DYSF: variants seen among roughly 807,000 people sequenced by gnomAD.
DYSF encodes the protein dysferlin.
DYSF carries 212 observed loss-of-function variants against 274.9 expected under a neutral mutation model. The observed-to-expected ratio is 0.77, with a 90% CI of 0.69 to 0.86. The LOEUF is 0.86. Ranked by LOEUF, DYSF falls within the 40% of genes least tolerant of loss-of-function variation. DYSF has a pLI of 0.00. For synonymous variants in DYSF, 1,091 were observed against 1,078.7 expected (o/e 1.01, Z -0.22); for missense variants, 2,666 against 2,783.2 (o/e 0.96, Z 0.95).
chr2:71,682,804 C>T (rs2095312198), intron 55 of DYSF, 127 bp downstream of exon 55: 1 of 1,363,750 alleles, frequency 7.3e-7, no homozygotes, highest in African/African-American at 1.4e-5. Context: ...AGCCCCTGGT[C>T]TGATGAGGAT....
chr2:71,576,024 T>C (rs1447119755), intron 30 of DYSF, among the ~76,000 whole-genome samples: 2 of 152,224 alleles, frequency 1.3e-5, no homozygotes, highest in Admixed American at 1.3e-4. Flanking sequence ...CTGTTTTCCA[T>C]GCAGCTGGAG....
At chr2:71,501,269 C>T (rs1373632471) in intron 3 of DYSF, among the ~76,000 whole-genome samples, 1 of 152,108 alleles carries the variant, frequency 6.6e-6, no homozygotes, top group East Asian at 1.9e-4. Flanking sequence ...GAAAATGGAC[C>T]TTGAGCGTAT....
chr2:71,531,367 T>C (rs1559092020), intron 14 of DYSF, among the ~76,000 whole-genome samples: 2 of 152,112 alleles, frequency 1.3e-5, no homozygotes, highest in Non-Finnish European at 2.9e-5. Context: ...TCAACACTCA[T>C]GGCACTTTAG....
intron 11 of DYSF, 72 bp from the exon 12 acceptor site, chr2:71,520,717 T>C (rs1247883825): frequency 7.4e-7 from 1 of 1,354,940 alleles, no homozygotes. Flanking sequence ...CAGTCCATCC[T>C]GGGTTCCCGG....
rs1573201777 is a variant in DYSF at position 71,682,425 on chromosome 2, T to A, written c.6174-105T>A. 8 of 1,427,600 alleles carry A rather than the reference T, an allele frequency of 5.6e-6. No homozygotes were observed. The Admixed American group carries it at 1.3e-4, about 24-fold the overall frequency. 88.4% of individuals were successfully genotyped at this position (1,427,600 alleles called of 1,614,324 possible). A position where few individuals can be genotyped will look rare whatever the true frequency, so the allele number is the denominator to read the frequency against. ...ACAGGGCCTGGGCAGGCGCTGGGGG[T>A]GGACTGTGGAGGGCCAGGCCATTGG... is the stretch of plus-strand genomic sequence containing the variant. On this transcript the variant is annotated intron_variant, in intron 54 of 55. Transcript: ENST00000410020.
At chr2:71,499,313 C>T (rs1388947788) in intron 3 of DYSF, among the ~76,000 whole-genome samples, 1 of 152,130 alleles carries the variant, frequency 6.6e-6, no homozygotes, top group South Asian at 2.1e-4. Flanking sequence ...GAATAATTCC[C>T]CATTATTGTT....
chr2:71,666,919 G>T lies in DYSF; in HGVS notation c.5318-457G>T, dbSNP rs115964965. ...CGTGGTTCCTGCTCTGGAAGTGTTT[G>T]CTGTTATTGCTATTATTTTAGCTAC... On this transcript the variant is annotated intron_variant, in intron 47 of 55. Transcript: ENST00000410020. Among the ~76,000 whole-genome samples, 438 of 152,330 alleles carry T rather than the reference G, an allele frequency of 2.9e-3. 1 individual carries two copies. The highest frequency in any genetic ancestry group is 0.027 in the Middle Eastern group (8 of 294).
At chr2:71,639,751 AT>A (rs2094458860) in intron 41 of DYSF, among the ~76,000 whole-genome samples, 1 of 152,152 alleles carries the variant, frequency 6.6e-6, no homozygotes, top group South Asian at 2.1e-4. Flanking sequence ...CTGGAATAAG[AT>A]TGCTGTGTCA....
intron 3 of DYSF, among the ~76,000 whole-genome samples, chr2:71,487,516 T>C (rs1284481319): frequency 1.3e-5 from 2 of 152,106 alleles, no homozygotes; most frequent in Non-Finnish European, 2.9e-5. Context: ...CATTTTGTTG[T>C]TGTTGTTGTT....
chr2:71,454,654 T>G (rs1184288931), intron 1 of DYSF, among the ~76,000 whole-genome samples: 1 of 152,152 alleles, frequency 6.6e-6, no homozygotes, highest in African/African-American at 2.4e-5. Context: ...CACCAACCTT[T>G]ACAGACTTTC....
chr2:71,538,411 T>TC (rs1252414125), intron 16 of DYSF, among the ~76,000 whole-genome samples: 6 of 152,156 alleles, frequency 3.9e-5, no homozygotes, highest in Non-Finnish European at 8.8e-5. Context: ...CCAAGAAGTG[T>TC]CCCCCTGGAA....
At chr2:71,586,619 C>G (rs1218327361) in intron 30 of DYSF, among the ~76,000 whole-genome samples, 1 of 152,112 alleles carries the variant, frequency 6.6e-6, no homozygotes, top group Non-Finnish European at 1.5e-5. Context: ...AGGCCCTGCC[C>G]TTGGACAGAG....
At chr2:71,516,899 A>T in intron 9 of DYSF, 90 bp from the exon 10 acceptor site, 1 of 1,151,472 alleles carries the variant, frequency 8.7e-7, no homozygotes, top group African/African-American at 1.5e-5. Context: ...AAGTGTTGGC[A>T]GTTATTGTTT....
At chr2:71,529,696 G>A (rs555787982) in intron 14 of DYSF, among the ~76,000 whole-genome samples, 3 of 152,254 alleles carry the variant, frequency 2.0e-5, no homozygotes, top group South Asian at 2.1e-4. Context: ...GGCACTGTAC[G>A]GATGTCCTAC....
intron 1 of DYSF, among the ~76,000 whole-genome samples, chr2:71,477,172 G>T (rs1293314435): frequency 6.6e-6 from 1 of 152,096 alleles, no homozygotes; most frequent in African/African-American, 2.4e-5. Flanking sequence ...TCACAAGCAG[G>T]AGCACTGGGA....
At chr2:71,649,179 C>A in intron 42 of DYSF, among the ~76,000 whole-genome samples, 1 of 144,460 alleles carries the variant, frequency 6.9e-6, no homozygotes, top group African/African-American at 2.5e-5. Context: ...TCATATTTTA[C>A]CTTAGACTCA....
At chr2:71,667,778 C>T (rs199505567) in intron 48 of DYSF, among the ~76,000 whole-genome samples, 4 of 152,252 alleles carry the variant, frequency 2.6e-5, no homozygotes, top group South Asian at 2.1e-4. Flanking sequence ...GCCTGGCCTC[C>T]GACCTCTCCT....
At chr2:71,654,332 A>G (rs1216171609) in intron 42 of DYSF, among the ~76,000 whole-genome samples, 13 of 152,336 alleles carry the variant, frequency 8.5e-5, no homozygotes, top group Non-Finnish European at 4.4e-5. Flanking sequence ...ATTTTTCCAG[A>G]GAGCAATTTG....
intron 3 of DYSF, among the ~76,000 whole-genome samples, chr2:71,494,841 C>T (rs2084215241): frequency 6.6e-6 from 1 of 152,210 alleles, no homozygotes; most frequent in South Asian, 2.1e-4. Flanking sequence ...TTAGAAAGTC[C>T]TTCCTTCTAT....
Sources: allele counts gnomAD v4.1 joint callset (sites outside exome capture counted in the v4.1 genomes callset), GRCh38; gene constraint gnomAD v4.1.1; transcripts MANE v1.5; gene names NCBI Gene and HGNC (gene_info 2026-07-23, HGNC 2026-07-21).